The following EPHA3 variants were observed in gnomAD, a reference collection of about 807,000 sequenced individuals.
EPHA3 encodes ephrin type-A receptor 3.
Under a neutral mutation model 107.1 loss-of-function variants are expected in EPHA3, and 42 were observed. That is an observed-to-expected ratio of 0.39 (90% CI 0.31 to 0.51). The LOEUF (loss-of-function observed/expected upper bound fraction) is 0.51. EPHA3 is among the 20% of genes least tolerant of loss of function. The probability of loss-of-function intolerance (pLI) is 0.78; values close to 1 mark genes in which losing one functional copy is unlikely to be tolerated. For missense variants in EPHA3, 1,183 were observed against 1,211.2 expected, an observed-to-expected ratio of 0.98 and a Z score of 0.35; for synonymous variants, 461 against 424.8, an observed-to-expected ratio of 1.09 and a Z score of -1.05.
rs1238646537 is a variant in EPHA3 at position 89,295,644 on chromosome 3, T to G, written c.815-45272T>G. On this transcript the variant is annotated intron_variant, in intron 3 of 16. Coordinates refer to ENST00000336596, the MANE Select transcript of EPHA3 (RefSeq NM_005233.6). Reference sequence around the variant, plus strand: ...TCTTTCTCTGTCACTCAGGTTGGAGTGCCGTGGTGCAATCTCAGCTCGCTG... The same window carrying G: ...TCTTTCTCTGTCACTCAGGTTGGAGGGCCGTGGTGCAATCTCAGCTCGCTG... 3.3e-5 allele frequency among the ~76,000 whole-genome samples: 5 copies of G among 152,174 alleles called. No homozygotes were observed. The East Asian group carries it at 9.6e-4, about 29-fold the overall frequency.
chr3:89,306,797 C>T (rs1045750814), intron 3 of EPHA3, among the ~76,000 whole-genome samples: 1 of 152,124 alleles, frequency 6.6e-6, no homozygotes, highest in African/African-American at 2.4e-5. Context: ...AAGCAAAGAG[C>T]AGAATTCTGT....
chr3:89,472,456 TC>T lies in EPHA3; in HGVS notation c.2691-7del. On this transcript the variant is annotated splice_region_variant and splice_polypyrimidine_tract_variant and intron_variant, in intron 15 of 16. Coordinates refer to ENST00000336596, the MANE Select transcript of EPHA3 (RefSeq NM_005233.6). ...ATCTGTCTCCCTTTGGTGTTTTTTT[TC>T]TTGCAGGCCATCAAACCTTCTTCTG... is the stretch of plus-strand genomic sequence containing the variant. 6.2e-7 allele frequency: 1 copy of T among 1,612,912 alleles called. No homozygotes were observed. Among genetic ancestry groups the T allele is most frequent in the Non-Finnish European group, 8.5e-7 (1 of 1,179,378 alleles).
intron 3 of EPHA3, among the ~76,000 whole-genome samples, chr3:89,337,398 G>A (rs1253621807): frequency 3.3e-5 from 5 of 152,104 alleles, no homozygotes; most frequent in African/African-American, 7.2e-5. Context: ...CAATTGTACA[G>A]TCTATAAAAT....
intron 2 of EPHA3, among the ~76,000 whole-genome samples, chr3:89,145,183 C>T (rs1704511314): frequency 6.6e-6 from 1 of 151,474 alleles, no homozygotes; most frequent in South Asian, 2.1e-4. Context: ...TCATTGTTCT[C>T]AAAACTTTGC....
chr3:89,444,097 T>A (rs572566506), intron 13 of EPHA3, among the ~76,000 whole-genome samples: 4 of 152,274 alleles, frequency 2.6e-5, no homozygotes, highest in African/African-American at 4.8e-5. Flanking sequence ...ATGTGTATTG[T>A]TTATGGAGAA....
At chr3:89,255,157 A>G (rs368398543) in intron 3 of EPHA3, among the ~76,000 whole-genome samples, 125 of 152,336 alleles carry the variant, frequency 8.2e-4, no homozygotes, top group Admixed American at 2.4e-3. Flanking sequence ...ATTCTTATAT[A>G]TAGCATATAC....
At chr3:89,154,355 T>A (rs904760486) in intron 2 of EPHA3, among the ~76,000 whole-genome samples, 2 of 151,758 alleles carry the variant, frequency 1.3e-5, no homozygotes, top group Non-Finnish European at 2.9e-5. Context: ...AATGCATGAA[T>A]AAGTTAATGA....
intron 5 of EPHA3, among the ~76,000 whole-genome samples, chr3:89,363,738 AG>A (rs1367037183): frequency 6.6e-6 from 1 of 150,574 alleles, no homozygotes; most frequent in African/African-American, 2.4e-5. Context: ...GTTAATTTCT[AG>A]ACTATATTTT....
chr3:89,206,363 C>T (rs1706104814), intron 2 of EPHA3, among the ~76,000 whole-genome samples: 1 of 152,096 alleles, frequency 6.6e-6, no homozygotes, highest in Non-Finnish European at 1.5e-5. Context: ...CAGTAAAATG[C>T]TGTTCATTGC....
chr3:89,444,219 A>C (rs1709836668), intron 13 of EPHA3, among the ~76,000 whole-genome samples: 1 of 152,156 alleles, frequency 6.6e-6, no homozygotes, highest in Admixed American at 6.6e-5. Context: ...TATTTGTTGC[A>C]ATTGATATGA....
intron 3 of EPHA3, among the ~76,000 whole-genome samples, chr3:89,247,045 G>A (rs1705049869): frequency 6.6e-6 from 1 of 152,094 alleles, no homozygotes; most frequent in East Asian, 1.9e-4. Context: ...CATTCAACGA[G>A]TACTTCTTGA....
Position 89,479,521 on chromosome 3 carries a change from T to C in EPHA3, c.*19T>C, listed in dbSNP as rs767113462. 5 of 1,596,852 alleles carry C rather than the reference T, an allele frequency of 3.1e-6. No individual in the cohort carries two copies. In the Admixed American group the frequency reaches 8.3e-5, roughly 27 times the overall value. On this transcript the variant is annotated 3_prime_UTR_variant, in exon 17 of 17. Transcript: ENST00000336596. ...CGTGTAAAGCACGGGACGGAAGTGC[T>C]TCTGGACGGAAGTGGTGGCTGTGGA...
chr3:89,279,363 C>T (rs1460844073), intron 3 of EPHA3, among the ~76,000 whole-genome samples: 2 of 151,966 alleles, frequency 1.3e-5, no homozygotes, highest in Admixed American at 1.3e-4. Flanking sequence ...TTGTTCTACA[C>T]TTTAATATTT....
intron 3 of EPHA3, among the ~76,000 whole-genome samples, chr3:89,313,171 A>G (rs1199245320): frequency 1.3e-5 from 2 of 152,016 alleles, no homozygotes; most frequent in Non-Finnish European, 2.9e-5. Context: ...ATTTTACAAT[A>G]TGCATAGTAA....
intron 7 of EPHA3, among the ~76,000 whole-genome samples, chr3:89,400,523 A>G (rs1395944410): frequency 6.6e-6 from 1 of 152,024 alleles, no homozygotes; most frequent in Admixed American, 6.6e-5. Context: ...GGCGTGAGCC[A>G]CCTCGCCCGG....
At chr3:89,343,800 G>C (rs537610429) in intron 5 of EPHA3, among the ~76,000 whole-genome samples, 4 of 152,200 alleles carry the variant, frequency 2.6e-5, no homozygotes, top group Non-Finnish European at 4.4e-5. Context: ...CTTGCTCACT[G>C]TATCTATAAT....
intron 15 of EPHA3, among the ~76,000 whole-genome samples, chr3:89,453,597 G>A (rs1238932595): frequency 6.6e-6 from 1 of 152,076 alleles, no homozygotes; most frequent in South Asian, 2.1e-4. Context: ...CCATTAAAAT[G>A]CACGATGGGT....
At chr3:89,223,835 A>G (rs1323181534) in intron 3 of EPHA3, among the ~76,000 whole-genome samples, 1 of 152,128 alleles carries the variant, frequency 6.6e-6, no homozygotes, top group Non-Finnish European at 1.5e-5. Context: ...GTACTAAAAT[A>G]TGGTTAGTAA....
rs1707532734 is a variant in EPHA3 at position 89,341,881 on chromosome 3, G to T, written c.1097G>T (p.Cys366Phe). The change falls in exon 5 of 17, where the codon TGT becomes TTT. Residue 366 changes from cysteine to phenylalanine, a missense_variant. By Grantham distance (205) the Cys-to-Phe change is radical (BLOSUM62 -2). Transcript: ENST00000336596. Reference sequence around the variant, plus strand: ...ACCTTCAACATCATATGTAAAAAATGTGGGTGGAATATAAAACAGTGTGAG... The same window carrying T: ...ACCTTCAACATCATATGTAAAAAATTTGGGTGGAATATAAAACAGTGTGAG... Reference protein sequence around the residue: ...DVTFNIICKKCGWNIKQCEPC... With the variant: ...DVTFNIICKKFGWNIKQCEPC... 1 of 1,613,850 alleles carries T rather than the reference G, an allele frequency of 6.2e-7. No individual in the cohort carries two copies. The highest frequency in any genetic ancestry group is 2.2e-5 in the East Asian group (1 of 44,858).
Sources: gnomAD v4.1 joint callset for allele counts (sites outside exome capture counted in the v4.1 genomes callset) on GRCh38, gnomAD v4.1.1 for gene constraint, MANE v1.5 for transcripts, NCBI Gene and HGNC (gene_info 2026-07-23, HGNC 2026-07-21) for gene names.